Variants in TBC1D1 observed in about 807,000 individuals in gnomAD.
TBC1D1 encodes TBC1 (tre-2/USP6, BUB2, cdc16) domain family, member 1.
Under a neutral mutation model 125.6 loss-of-function variants are expected in TBC1D1, and 89 were observed. That is an observed-to-expected ratio of 0.71 (90% CI 0.60 to 0.85). TBC1D1 has a LOEUF of 0.85. Ranked by LOEUF, TBC1D1 falls within the 40% of genes least tolerant of loss-of-function variation. The pLI is 0.00. For missense variants in TBC1D1, 1,377 were observed against 1,469.2 expected, an observed-to-expected ratio of 0.94 and a Z score of 1.03; for synonymous variants, 565 against 564.1, an observed-to-expected ratio of 1.00 and a Z score of -0.02.
intron 19 of TBC1D1, among the ~76,000 whole-genome samples, chr4:38,134,756 CAG>C (rs1446923257): frequency 6.6e-6 from 1 of 152,212 alleles, no homozygotes; most frequent in African/African-American, 2.4e-5. Context: ...TTTGTGAAGA[CAG>C]GGAGCTGTGA....
At chr4:37,993,563 G>A (rs1042890299) in intron 2 of TBC1D1, among the ~76,000 whole-genome samples, 5 of 151,702 alleles carry the variant, frequency 3.3e-5, no homozygotes, top group Admixed American at 2.6e-4. Context: ...CCTTGGCATG[G>A]GGCAAACAAC....
chr4:38,068,058 G>A (rs1012129705), intron 12 of TBC1D1, among the ~76,000 whole-genome samples: 1 of 152,146 alleles, frequency 6.6e-6, no homozygotes, highest in Admixed American at 6.5e-5. Flanking sequence ...TGACACCCTC[G>A]AGCTTGGCTG....
chr4:38,137,643 C>T lies in TBC1D1; in HGVS notation c.*308C>T, dbSNP rs1766865051. The T allele has an allele frequency of 3.3e-6, 1 of 301,714 alleles. No individual in the cohort carries two copies. The highest frequency in any genetic ancestry group is 6.0e-6 in the Non-Finnish European group (1 of 165,440). 18.7% of individuals were successfully genotyped at this position (301,714 alleles called of 1,614,324 possible). On this transcript the variant is annotated 3_prime_UTR_variant, in exon 20 of 20. Coordinates refer to ENST00000261439, the MANE Select transcript of TBC1D1 (RefSeq NM_015173.4). ...TTCTTGTTGGTTCCTTTTTGAGTGT[C>T]ACTGTGTTTGTAAAGAGCATTCACA...
chr4:37,943,304 A>G lies in TBC1D1; in HGVS notation c.417+40792A>G, dbSNP rs191724532. ...CATTTCAACTTTGGTGAATCTGACA[A>G]TTATGTGTCTTGGAGTTACTCTTCT... On this transcript the variant is annotated intron_variant, in intron 2 of 19. Coordinates refer to ENST00000261439, the MANE Select transcript of TBC1D1 (RefSeq NM_015173.4). Among the ~76,000 whole-genome samples the G allele has an allele frequency of 3.5e-3, 528 of 152,178 alleles. 26 individuals carry two copies. The East Asian group carries it at 0.087, about 25-fold the overall frequency.
At chr4:38,135,372 A>T (rs1325472893) in intron 19 of TBC1D1, among the ~76,000 whole-genome samples, 1 of 152,240 alleles carries the variant, frequency 6.6e-6, no homozygotes, top group African/African-American at 2.4e-5. Context: ...ATAATAATGC[A>T]CATGGATTTG....
chr4:38,064,377 C>T (rs917840122), intron 12 of TBC1D1, among the ~76,000 whole-genome samples: 12 of 152,158 alleles, frequency 7.9e-5, no homozygotes, highest in Admixed American at 2.6e-4. Flanking sequence ...ATTCTACCCA[C>T]GGGGATGGTT....
intron 12 of TBC1D1, among the ~76,000 whole-genome samples, chr4:38,072,129 A>G (rs1300095129): frequency 6.6e-6 from 1 of 152,238 alleles, no homozygotes. Flanking sequence ...GCAGTATTGC[A>G]TAATGAATGA....
At chr4:38,034,427 C>T (rs1449288311) in intron 7 of TBC1D1, among the ~76,000 whole-genome samples, 1 of 152,246 alleles carries the variant, frequency 6.6e-6, no homozygotes, top group Non-Finnish European at 1.5e-5. Flanking sequence ...TAATCATTAA[C>T]TATCCTTTCC....
At chr4:37,962,113 T>A (rs781500184) in intron 2 of TBC1D1, among the ~76,000 whole-genome samples, 5 of 152,228 alleles carry the variant, frequency 3.3e-5, no homozygotes, top group Non-Finnish European at 7.3e-5. Context: ...CACTATGGTG[T>A]CCAAGTACTT....
rs149365501 is a variant in TBC1D1, at chr4:38,120,651, C to T, written c.2962+2459C>T. The stretch of plus-strand genomic sequence containing the variant: ...AGTATGTATCTGCTCCTTGGAGGGG[C>T]GGCTGCCAGTGATGTGTGCGCCTTA... On this transcript the variant is annotated intron_variant, in intron 17 of 19. Transcript: ENST00000261439. Among the ~76,000 whole-genome samples the T allele has an allele frequency of 7.2e-5, 11 of 152,288 alleles. No homozygotes were observed. In the East Asian group the frequency reaches 7.7e-4, roughly 11 times the overall value.
At chr4:37,947,990 T>C (rs1727060324) in intron 2 of TBC1D1, among the ~76,000 whole-genome samples, 1 of 151,538 alleles carries the variant, frequency 6.6e-6, no homozygotes, top group Non-Finnish European at 1.5e-5. Flanking sequence ...TAATAATAGG[T>C]AGGTACTACG....
chr4:38,044,069 C>T (rs569235224), intron 8 of TBC1D1, among the ~76,000 whole-genome samples: 1 of 152,334 alleles, frequency 6.6e-6, no homozygotes, highest in South Asian at 2.1e-4. Context: ...CCGAAGACCA[C>T]GGTTAGTGAA....
chr4:38,046,246 C>T (rs532845855), intron 10 of TBC1D1, among the ~76,000 whole-genome samples: 3 of 151,920 alleles, frequency 2.0e-5, no homozygotes, highest in Non-Finnish European at 4.4e-5. Context: ...GTGGCGGGCA[C>T]CCGTAGTCCC....
chr4:38,005,627 C>T (rs1175441125), intron 2 of TBC1D1, among the ~76,000 whole-genome samples: 1 of 152,228 alleles, frequency 6.6e-6, no homozygotes, highest in Non-Finnish European at 1.5e-5. Flanking sequence ...TCCTTAGTTC[C>T]TCTGAGGGAG....
At chr4:37,904,639 T>C (rs1370216868) in intron 2 of TBC1D1, among the ~76,000 whole-genome samples, 5 of 152,366 alleles carry the variant, frequency 3.3e-5, no homozygotes, top group East Asian at 1.9e-4. Flanking sequence ...AAGTAGAGAA[T>C]TGGACTTACT....
At chr4:37,903,926 A>G (rs1716731356) in intron 2 of TBC1D1, among the ~76,000 whole-genome samples, 1 of 152,264 alleles carries the variant, frequency 6.6e-6, no homozygotes, top group South Asian at 2.1e-4. Flanking sequence ...TTTCACTCAC[A>G]GAATCAAACT....
At chr4:38,134,910 C>T (rs980480157) in intron 19 of TBC1D1, among the ~76,000 whole-genome samples, 1 of 152,146 alleles carries the variant, frequency 6.6e-6, no homozygotes, top group African/African-American at 2.4e-5. Flanking sequence ...TGGTCTATGC[C>T]AACCCACCAG....
intron 2 of TBC1D1, among the ~76,000 whole-genome samples, chr4:37,919,002 A>G (rs544094450): frequency 2.6e-5 from 4 of 152,024 alleles, no homozygotes; most frequent in Admixed American, 2.0e-4. Context: ...TCTACTCCTT[A>G]TAATATAATA....
chr4:38,129,495 T>C (rs552126245), intron 18 of TBC1D1, among the ~76,000 whole-genome samples: 1 of 152,334 alleles, frequency 6.6e-6, no homozygotes, highest in African/African-American at 2.4e-5. Flanking sequence ...TGTAATTCAC[T>C]ACAGATAGTG....
Sources: allele counts gnomAD v4.1 joint callset (sites outside exome capture counted in the v4.1 genomes callset), GRCh38; gene constraint gnomAD v4.1.1; transcripts MANE v1.5; gene names NCBI Gene and HGNC (gene_info 2026-07-23, HGNC 2026-07-21).